TMEM132C: variants seen among roughly 807,000 people sequenced by gnomAD.
TMEM132C encodes transmembrane protein 132C, also known as protein phosphatase 1, regulatory subunit 152.
In TMEM132C, 29 loss-of-function variants were observed where a neutral mutation model predicts 61.4. The ratio of observed to expected loss-of-function variants is 0.47; its 90% CI spans 0.35 to 0.64. The LOEUF (loss-of-function observed/expected upper bound fraction) is 0.64, where lower values mean the gene tolerates loss of function less well. TMEM132C is among the 30% of genes least tolerant of loss of function. The probability of loss-of-function intolerance (pLI) is 0.00; values close to 1 mark genes in which losing one functional copy is unlikely to be tolerated. For missense variants in TMEM132C, 1,408 were observed against 1,476.9 expected, an observed-to-expected ratio of 0.95 and a Z score of 0.76; for synonymous variants, 656 against 633.1, an observed-to-expected ratio of 1.04 and a Z score of -0.54.
chr12:128,362,109 A>C (rs2135972869), intron 1 of TMEM132C, among the ~76,000 whole-genome samples: 1 of 152,152 alleles, frequency 6.6e-6, no homozygotes, highest in East Asian at 1.9e-4. Flanking sequence ...GTCAGACTCC[A>C]CTTTCTTACT....
At chr12:128,318,360 G>A (rs60558038) in intron 1 of TMEM132C, among the ~76,000 whole-genome samples, 3,151 of 152,202 alleles carry the variant, frequency 0.021, 108 homozygotes, top group African/African-American at 0.071. Flanking sequence ...TCCTGGCATC[G>A]TACATGTAAC....
intron 2 of TMEM132C, among the ~76,000 whole-genome samples, chr12:128,536,702 T>G (rs552561795): frequency 6.6e-6 from 1 of 152,290 alleles, no homozygotes; most frequent in African/African-American, 2.4e-5. Context: ...CTTTTAACTA[T>G]TCACAAGAAT....
chr12:128,440,910 G>A (rs570589941), intron 2 of TMEM132C, among the ~76,000 whole-genome samples: 7 of 152,198 alleles, frequency 4.6e-5, no homozygotes, highest in Admixed American at 2.6e-4. Context: ...TTATCCAGGC[G>A]TCGTGGTGTA....
At chr12:128,416,106 T>C (rs968901291) in intron 2 of TMEM132C, among the ~76,000 whole-genome samples, 7 of 152,174 alleles carry the variant, frequency 4.6e-5, no homozygotes, top group Admixed American at 3.9e-4. Context: ...CCAGTTAGTG[T>C]CTGGGAGGCC....
In TMEM132C at chr12:128,504,507, G is replaced by T. The variant is rs560884945; in HGVS notation, c.975-39450G>T. Among the ~76,000 whole-genome samples the T allele has an allele frequency of 1.2e-4, 19 of 152,240 alleles. No individual in the cohort carries two copies. In the East Asian group the frequency reaches 3.5e-3, roughly 28 times the overall value. On this transcript the variant is annotated intron_variant, in intron 2 of 8. Transcript: ENST00000435159. ...ATAGTCTGGGCAGCTTAACCATCAG[G>T]AATTTATTCATTTCTGGAGGCTGGA...
intron 1 of TMEM132C, among the ~76,000 whole-genome samples, chr12:128,336,393 C>G (rs1265198209): frequency 6.6e-6 from 1 of 152,186 alleles, no homozygotes; most frequent in Non-Finnish European, 1.5e-5. Context: ...TTTGCTGACA[C>G]TGTATGCCCA....
intron 3 of TMEM132C, among the ~76,000 whole-genome samples, chr12:128,610,049 C>A (rs80251839): frequency 0.029 from 4,419 of 152,324 alleles, 205 homozygotes; most frequent in African/African-American, 0.1. Context: ...TGTGCCTCAG[C>A]ACCATGGAGA....
At chr12:128,444,945 G>C (rs12305996) in intron 2 of TMEM132C, among the ~76,000 whole-genome samples, 1 of 152,116 alleles carries the variant, frequency 6.6e-6, no homozygotes, top group Non-Finnish European at 1.5e-5. Context: ...CTAAAAGGAA[G>C]GTGTTTGAAC....
chr12:128,438,007 T>C (rs561040115), intron 2 of TMEM132C: 1 of 152,216 alleles, frequency 6.6e-6, no homozygotes, highest in African/African-American at 2.4e-5. Flanking sequence ...TGGTTTATTA[T>C]CTTCTATGTT....
In TMEM132C at chr12:128,665,513, A is replaced by G. The variant is rs571899976; in HGVS notation, c.1306-3904A>G. On this transcript the variant is annotated intron_variant, in intron 4 of 8. Transcript: ENST00000435159. ...CAGAGGCACAGGTACCCATATGCAC[A>G]CAGGCACTCACACATACACAAATGC... is the stretch of plus-strand genomic sequence containing the variant. Among the ~76,000 whole-genome samples, 217 of 151,444 alleles carry G rather than the reference A, an allele frequency of 1.4e-3. 2 individuals carry two copies. Among genetic ancestry groups the G allele is most frequent in the African/African-American group, 5.1e-3 (211 of 41,286 alleles).
chr12:128,285,974 TCTCC>T (rs1339111533), intron 1 of TMEM132C, among the ~76,000 whole-genome samples: 1 of 137,354 alleles, frequency 7.3e-6, no homozygotes, highest in African/African-American at 3.0e-5. Flanking sequence ...TCTATCTCTC[TCTCC>T]CTTTCTCTCT....
At chr12:128,625,332 A>G (rs778980799) in intron 4 of TMEM132C, among the ~76,000 whole-genome samples, 24 of 152,214 alleles carry the variant, frequency 1.6e-4, no homozygotes, top group African/African-American at 5.3e-4. Flanking sequence ...CTCCTGGTGC[A>G]TAGACAGTGG....
rs557875208 is a variant in TMEM132C at position 128,539,510 on chromosome 12, C to T, written c.975-4447C>T. Among the ~76,000 whole-genome samples, 9 of 152,190 alleles carry T rather than the reference C, an allele frequency of 5.9e-5. No individual in the cohort carries two copies. The East Asian group carries it at 7.7e-4, about 13-fold the overall frequency. On this transcript the variant is annotated intron_variant, in intron 2 of 8. Transcript: ENST00000435159. ...GTGGTCGCCTGTAGTCCCAGCTACCCGGGAGGCTGAGGCAGGGGAATCACT... is the reference window on the plus strand; with the variant it reads ...GTGGTCGCCTGTAGTCCCAGCTACCTGGGAGGCTGAGGCAGGGGAATCACT...
Position 128,548,456 on chromosome 12 carries a change from C to T in TMEM132C, c.1121+4353C>T, listed in dbSNP as rs77786157. Reference sequence around the variant, plus strand: ...GGCCTCTCCACTTGTGAACTGGCTACGTGGTTTGTGAAGGTGTTGCAGTAT... The same window carrying T: ...GGCCTCTCCACTTGTGAACTGGCTATGTGGTTTGTGAAGGTGTTGCAGTAT... On this transcript the variant is annotated intron_variant, in intron 3 of 8. Coordinates refer to ENST00000435159, the MANE Select transcript of TMEM132C (RefSeq NM_001136103.3). 1.4e-4 allele frequency among the ~76,000 whole-genome samples: 21 copies of T among 152,286 alleles called. No homozygotes were observed. The East Asian group carries it at 3.7e-3, about 27-fold the overall frequency.
At chr12:128,348,121 G>A (rs1873229505) in intron 1 of TMEM132C, among the ~76,000 whole-genome samples, 1 of 152,176 alleles carries the variant, frequency 6.6e-6, no homozygotes, top group Non-Finnish European at 1.5e-5. Context: ...TTATACAATG[G>A]TCTGTAGTTT....
At chr12:128,554,061 A>G (rs781512749) in intron 3 of TMEM132C, among the ~76,000 whole-genome samples, 5 of 152,236 alleles carry the variant, frequency 3.3e-5, no homozygotes, top group Non-Finnish European at 7.3e-5. Context: ...ACGTGATTCA[A>G]CCTTACTCAA....
At chr12:128,296,165 AG>A (rs1437721446) in intron 1 of TMEM132C, among the ~76,000 whole-genome samples, 1 of 152,212 alleles carries the variant, frequency 6.6e-6, no homozygotes, top group Non-Finnish European at 1.5e-5. Flanking sequence ...GACAGGACTC[AG>A]GGCCTATCCA....
intron 1 of TMEM132C, among the ~76,000 whole-genome samples, chr12:128,365,793 T>A (rs1873847254): frequency 6.6e-6 from 1 of 152,108 alleles, no homozygotes; most frequent in South Asian, 2.1e-4. Flanking sequence ...CTTTAAAAAC[T>A]CCTGGGCCCC....
intron 3 of TMEM132C, among the ~76,000 whole-genome samples, chr12:128,549,478 C>A (rs1370617930): frequency 6.6e-6 from 1 of 152,076 alleles, no homozygotes; most frequent in Admixed American, 6.6e-5. Flanking sequence ...TGCACAGTTT[C>A]CATCTGTGGG....
Sources: allele counts gnomAD v4.1 joint callset (sites outside exome capture counted in the v4.1 genomes callset), GRCh38; gene constraint gnomAD v4.1.1; transcripts MANE v1.5; gene names NCBI Gene and HGNC (gene_info 2026-07-23, HGNC 2026-07-21).